The following SLC15A1 variants were observed in gnomAD, a reference collection of about 807,000 sequenced individuals.
SLC15A1 encodes the protein solute carrier family 15 member 1, also known as Caco-2 oligopeptide transporter.
Under a neutral mutation model 92.9 loss-of-function variants are expected in SLC15A1, and 83 were observed. The ratio of observed to expected loss-of-function variants is 0.89; its 90% CI spans 0.75 to 1.07. The LOEUF is 1.07. SLC15A1 is among the 50% of genes least tolerant of loss of function. The pLI, the probability that SLC15A1 is intolerant of heterozygous loss-of-function variation, is 0.00. For synonymous variants in SLC15A1, 322 were observed against 318.2 expected, an observed-to-expected ratio of 1.01 and a Z score of -0.13; for missense variants, 857 against 880.1, an observed-to-expected ratio of 0.97 and a Z score of 0.33.
At chr13:98,702,905 C>A (rs2088079685) in intron 17 of SLC15A1, among the ~76,000 whole-genome samples, 1 of 134,924 alleles carries the variant, frequency 7.4e-6, no homozygotes. Flanking sequence ...GAGGTCGAGG[C>A]TGCAGTGAGC....
At chr13:98,704,256 CAA>C in intron 17 of SLC15A1, 31 bp downstream of exon 17, 2 of 1,532,378 alleles carry the variant, frequency 1.3e-6, no homozygotes, top group Non-Finnish European at 1.7e-6. Flanking sequence ...TCACAAATAG[CAA>C]AGAGTCAGCT....
At chr13:98,732,055 C>G (rs2088354514) in intron 1 of SLC15A1, among the ~76,000 whole-genome samples, 1 of 152,228 alleles carries the variant, frequency 6.6e-6, no homozygotes, top group Non-Finnish European at 1.5e-5. Flanking sequence ...CTTAATGTAC[C>G]TGTGTCAACA....
chr13:98,733,033 C>A (rs1169105667), intron 1 of SLC15A1, among the ~76,000 whole-genome samples: 2 of 152,090 alleles, frequency 1.3e-5, no homozygotes, highest in Non-Finnish European at 2.9e-5. Context: ...TAAAATCAGT[C>A]AGAAAAGGTG....
chr13:98,733,406 A>G (rs2088365639), intron 1 of SLC15A1, among the ~76,000 whole-genome samples: 1 of 152,136 alleles, frequency 6.6e-6, no homozygotes, highest in Non-Finnish European at 1.5e-5. Context: ...TCTCTTTATT[A>G]ATTTTTTCCT....
At chr13:98,698,765 C>G (rs2088043563) in intron 18 of SLC15A1, among the ~76,000 whole-genome samples, 1 of 152,038 alleles carries the variant, frequency 6.6e-6, no homozygotes, top group South Asian at 2.1e-4. Flanking sequence ...GACATTGTCC[C>G]AAAATATACT....
rs2139555698 is a variant in SLC15A1, at chr13:98,683,978, A to G, written c.*746T>C. 6.6e-6 allele frequency: 1 copy of G among 152,372 alleles called. No individual in the cohort carries two copies. Among genetic ancestry groups the G allele is most frequent in the African/African-American group, 2.4e-5 (1 of 41,584 alleles). The allele number at this position is 152,372 out of a possible 1,614,324, so 9.4% of individuals were successfully genotyped here. ...ATACCAGCTGGTCCTTATCACAGCC[A>G]TTTCAAACCTGTACGTTCACTTTTG... On this transcript the variant is annotated 3_prime_UTR_variant, in exon 23 of 23. Coordinates refer to ENST00000376503, the MANE Select transcript of SLC15A1 (RefSeq NM_005073.4).
chr13:98,732,384 T>C lies in SLC15A1; in HGVS notation c.5-5525A>G, dbSNP rs1324217029. Among the ~76,000 whole-genome samples, 7 of 152,132 alleles carry C rather than the reference T, an allele frequency of 4.6e-5. No homozygotes were observed. The East Asian group carries it at 1.4e-3, about 29-fold the overall frequency. On this transcript the variant is annotated intron_variant, in intron 1 of 22. Transcript: ENST00000376503. ...CTTCTTGCTATTCTAGGCCCAGAAG[T>C]GGTTTTGCTTTCTTTTTGCTAAATA...
chr13:98,706,049 A>G, intron 16 of SLC15A1, 85 bp downstream of exon 16: 1 of 1,475,778 alleles, frequency 6.8e-7, no homozygotes, highest in East Asian at 2.3e-5. Context: ...GCATTTATAC[A>G]AGGACCAAGA....
intron 1 of SLC15A1, among the ~76,000 whole-genome samples, chr13:98,736,143 T>G (rs1307057989): frequency 2.6e-5 from 4 of 152,090 alleles, no homozygotes; most frequent in Middle Eastern, 3.4e-3. Context: ...CCAAAACAGA[T>G]ATATAGATCA....
At chr13:98,738,646 G>T (rs1171900378) in intron 1 of SLC15A1, among the ~76,000 whole-genome samples, 1 of 152,266 alleles carries the variant, frequency 6.6e-6, no homozygotes, top group Non-Finnish European at 1.5e-5. Context: ...CAAAAGTGAG[G>T]GAGGCTTGGG....
intron 15 of SLC15A1, among the ~76,000 whole-genome samples, chr13:98,706,575 T>C (rs1302585618): frequency 6.6e-6 from 1 of 152,180 alleles, no homozygotes; most frequent in Non-Finnish European, 1.5e-5. Context: ...CCCGTACTGT[T>C]CTTGTGGTAG....
At chr13:98,729,999 G>A (rs1356430939) in intron 1 of SLC15A1, among the ~76,000 whole-genome samples, 1 of 152,086 alleles carries the variant, frequency 6.6e-6, no homozygotes, top group Non-Finnish European at 1.5e-5. Flanking sequence ...GAGGTCAGGA[G>A]TTGGAGACCA....
At chr13:98,740,751 A>G (rs1379606742) in intron 1 of SLC15A1, among the ~76,000 whole-genome samples, 1 of 152,192 alleles carries the variant, frequency 6.6e-6, no homozygotes. Flanking sequence ...ACCAGGCTTC[A>G]CTGTCACTGC....
At chr13:98,727,863 G>A (rs1343544483) in intron 1 of SLC15A1, among the ~76,000 whole-genome samples, 1 of 152,132 alleles carries the variant, frequency 6.6e-6, no homozygotes, top group Non-Finnish European at 1.5e-5. Flanking sequence ...AGGGCTCCCT[G>A]AACATGCTCC....
intron 8 of SLC15A1, among the ~76,000 whole-genome samples, chr13:98,718,300 CTTTTTTTTTTTTTTTTTTTTTTTTTTTTT>C (rs532286337): frequency 1.2e-5 from 1 of 84,128 alleles, no homozygotes; most frequent in Non-Finnish European, 2.0e-5. Context: ...TCACCTTCAT[CTTTTTTTTTTTTTTTTTTTTTTTTTTTTT>C]TTTTTTTTGA....
In SLC15A1 at chr13:98,736,936, A is replaced by G. The variant is rs569623293; in HGVS notation, c.5-10077T>C. ...CAACCATTGTGGAAGACAGTGTGGC[A>G]ATTCCTCAAGGATCTAGAACTAGAA... On this transcript the variant is annotated intron_variant, in intron 1 of 22. Transcript: ENST00000376503. Among the ~76,000 whole-genome samples the G allele has an allele frequency of 1.8e-3, 274 of 152,178 alleles. 2 individuals are homozygous for G. The highest frequency in any genetic ancestry group is 6.3e-3 in the African/African-American group (260 of 41,450).
At chr13:98,687,791 T>C (rs987947032) in intron 20 of SLC15A1, 67 bp from the exon 21 acceptor site, 1 of 1,567,586 alleles carries the variant, frequency 6.4e-7, no homozygotes, top group African/African-American at 1.4e-5. Context: ...TTCGAACAGG[T>C]AAATTGAGTT....
chr13:98,692,257 A>C (rs2087986653), intron 18 of SLC15A1, among the ~76,000 whole-genome samples: 1 of 148,742 alleles, frequency 6.7e-6, no homozygotes, highest in South Asian at 2.1e-4. Flanking sequence ...GGGCTCAAAC[A>C]ATCCTCTCAC....
chr13:98,700,550 C>G (rs988190106), intron 18 of SLC15A1, among the ~76,000 whole-genome samples: 5 of 142,882 alleles, frequency 3.5e-5, no homozygotes. Flanking sequence ...TTGGTGAACT[C>G]TATCAAGTTT....
Sources: allele counts gnomAD v4.1 joint callset (sites outside exome capture counted in the v4.1 genomes callset), GRCh38; gene constraint gnomAD v4.1.1; transcripts MANE v1.5; gene names NCBI Gene and HGNC (gene_info 2026-07-23, HGNC 2026-07-21).